The following DNAH7 variants were observed in gnomAD, a reference collection of about 807,000 sequenced individuals.
DNAH7 encodes dynein axonemal heavy chain 7.
DNAH7 carries 397 observed loss-of-function variants against 444.6 expected under a neutral mutation model. That is an observed-to-expected ratio of 0.89 (90% CI 0.82 to 0.97). The LOEUF (loss-of-function observed/expected upper bound fraction) is 0.97, where lower values mean the gene tolerates loss of function less well. DNAH7 is among the 50% of genes least tolerant of loss of function. The pLI is 0.00. For missense variants in DNAH7, 4,902 were observed against 4,800.8 expected (o/e 1.02, Z -0.62); for synonymous variants, 1,636 against 1,624.4 (o/e 1.01, Z -0.17).
intron 27 of DNAH7, 36 bp downstream of exon 27, chr2:195,906,623 G>C (rs768742332): frequency 1.3e-6 from 2 of 1,587,098 alleles, no homozygotes; most frequent in Admixed American, 3.6e-5. Context: ...GTAAATTATA[G>C]AGAAGAAATA....
At chr2:195,785,439 T>C (rs1398249476) in intron 58 of DNAH7, among the ~76,000 whole-genome samples, 1 of 152,146 alleles carries the variant, frequency 6.6e-6, no homozygotes, top group Non-Finnish European at 1.5e-5. Context: ...TCGAAAGCAG[T>C]AGTGAGAAAG....
chr2:195,955,576 GGTAA>G (rs1295238383), intron 19 of DNAH7, among the ~76,000 whole-genome samples: 1 of 147,006 alleles, frequency 6.8e-6, no homozygotes, highest in African/African-American at 2.6e-5. Flanking sequence ...TAGAAATTAG[GGTAA>G]GTAATGTTTT....
In DNAH7 at chr2:195,808,839, C is replaced by A; in HGVS notation, c.9926G>T (p.Gly3309Val). 6.2e-7 allele frequency: 1 copy of A among 1,613,686 alleles called. No individual in the cohort carries two copies. The highest frequency in any genetic ancestry group is 1.3e-5 in the African/African-American group (1 of 75,018). The change falls in exon 53 of 65, where the codon GGC becomes GTC. Residue 3309 changes from glycine (G) to valine (V), a missense_variant. Coordinates refer to ENST00000312428, the MANE Select transcript of DNAH7 (RefSeq NM_018897.3). ...KAEWRFLLTGGIGLDNPYANL... is the reference protein window; with the variant it reads ...KAEWRFLLTGVIGLDNPYANL... ...GGCATAAGGATTATCCAGTCCAATG[C>A]CACCAGTTAGCAGAAATCTCCACTC... is the stretch of plus-strand genomic sequence containing the variant.
chr2:195,808,582 G>GTTGTTTAAAGC (rs1696813707), intron 53 of DNAH7, 100 bp downstream of exon 53: 1 of 1,401,840 alleles, frequency 7.1e-7, no homozygotes, highest in Non-Finnish European at 9.7e-7. Flanking sequence ...CATGTGACCA[G>GTTGTTTAAAGC]TTGTTTAAAG....
At chr2:195,977,585 G>C (rs953744682) in intron 15 of DNAH7, among the ~76,000 whole-genome samples, 8 of 151,780 alleles carry the variant, frequency 5.3e-5, no homozygotes, top group Admixed American at 2.6e-4. Flanking sequence ...TTATTCAAAA[G>C]GATAATAACA....
Position 195,864,274 on chromosome 2 carries a change from A to G in DNAH7, c.7381T>C (p.Phe2461Leu). Residue 2461 changes from phenylalanine (F) to leucine (L), a missense_variant, in exon 41 of 65, where the codon TTT becomes CTT. Coordinates refer to ENST00000312428, the MANE Select transcript of DNAH7 (RefSeq NM_018897.3). Reference protein sequence around the residue: ...DGSPIALFNMFIDHCRSQLHV... With the variant: ...DGSPIALFNMLIDHCRSQLHV... ...AGTTGGCTGCGGCAATGATCAATAA[A>G]CATGTTGAAAAGGGCTATGGGGCTG... 6.2e-7 allele frequency: 1 copy of G among 1,614,120 alleles called. No homozygotes were observed. The highest frequency in any genetic ancestry group is 8.5e-7 in the Non-Finnish European group (1 of 1,180,008).
At chr2:195,964,279 A>G (rs1439183635) in intron 17 of DNAH7, among the ~76,000 whole-genome samples, 1 of 152,180 alleles carries the variant, frequency 6.6e-6, no homozygotes, top group African/African-American at 2.4e-5. Flanking sequence ...ATCCATGAAC[A>G]TGGAATATAC....
intron 46 of DNAH7, among the ~76,000 whole-genome samples, chr2:195,849,149 T>G (rs149770205): frequency 1.6e-4 from 24 of 152,352 alleles, no homozygotes; most frequent in African/African-American, 5.5e-4. Flanking sequence ...ACTGTCACTA[T>G]TTATTGCGAT....
intron 15 of DNAH7, among the ~76,000 whole-genome samples, chr2:195,974,750 T>C (rs1288198138): frequency 4.3e-5 from 5 of 115,850 alleles, no homozygotes; most frequent in African/African-American, 1.4e-4. Flanking sequence ...CATGTATGTA[T>C]ATTTTACACA....
At position 195,976,510 on chromosome 2, in the gene DNAH7, G is replaced by A. The variant is rs544472613; in HGVS notation, c.1834-4044C>T. 1.8e-4 allele frequency among the ~76,000 whole-genome samples: 27 copies of A among 152,268 alleles called. No individual in the cohort carries two copies. The East Asian group carries it at 5.0e-3, about 28-fold the overall frequency. On this transcript the variant is annotated intron_variant, in intron 15 of 64. Transcript: ENST00000312428. ...AGCTGGGGGAACTCACTGACCTGAA[G>A]GGAGGAACACATGCCTGGATGGCTT... is the stretch of plus-strand genomic sequence containing the variant.
intron 17 of DNAH7, among the ~76,000 whole-genome samples, chr2:195,962,144 TA>T (rs781299771): frequency 3.3e-5 from 5 of 152,168 alleles, no homozygotes; most frequent in African/African-American, 4.8e-5. Flanking sequence ...GTTCGTTAGC[TA>T]AATACATGGG....
At position 196,002,468 on chromosome 2, in the gene DNAH7, C is replaced by T. The variant is rs139994693; in HGVS notation, c.990-610G>A. Among the ~76,000 whole-genome samples the T allele has an allele frequency of 2.2e-3, 338 of 152,226 alleles. 1 individual carries two copies. Among genetic ancestry groups the T allele is most frequent in the African/African-American group, 7.7e-3 (318 of 41,560 alleles). The stretch of plus-strand genomic sequence containing the variant: ...TACAGTGTAATTTCATATATAGGTA[C>T]ATAATGATGATAATAAGCAAAGTTT... On this transcript the variant is annotated intron_variant, in intron 10 of 64. Coordinates refer to ENST00000312428, the MANE Select transcript of DNAH7 (RefSeq NM_018897.3).
chr2:196,040,139 A>C (rs917428787), intron 5 of DNAH7, among the ~76,000 whole-genome samples: 1 of 152,222 alleles, frequency 6.6e-6, no homozygotes, highest in African/African-American at 2.4e-5. Flanking sequence ...GAATTCTATG[A>C]AAATTTTAAA....
At chr2:196,008,367 C>T (rs1694513220) in intron 10 of DNAH7, among the ~76,000 whole-genome samples, 1 of 152,108 alleles carries the variant, frequency 6.6e-6, no homozygotes, top group South Asian at 2.1e-4. Context: ...CTTTGGAAAA[C>T]AGTGCGAGTG....
chr2:196,024,966 AGAC>A (rs1434431146), intron 7 of DNAH7, among the ~76,000 whole-genome samples: 2 of 152,204 alleles, frequency 1.3e-5, no homozygotes, highest in Admixed American at 6.5e-5. Context: ...TAAAAATAAC[AGAC>A]AACAATAAAA....
chr2:195,776,186 G>A (rs1695051522), intron 59 of DNAH7, among the ~76,000 whole-genome samples: 4 of 152,300 alleles, frequency 2.6e-5, no homozygotes, highest in Middle Eastern at 3.4e-3. Context: ...GCTCACGCCT[G>A]TAATCCCAGC....
chr2:195,978,023 G>A (rs1692316824), intron 15 of DNAH7, among the ~76,000 whole-genome samples: 2 of 152,052 alleles, frequency 1.3e-5, no homozygotes, highest in South Asian at 4.1e-4. Flanking sequence ...GAAAGCAAAG[G>A]ACAATAATGA....
intron 5 of DNAH7, among the ~76,000 whole-genome samples, chr2:196,045,334 GAGGA>G (rs1559365629): frequency 1.3e-5 from 2 of 151,404 alleles, no homozygotes; most frequent in African/African-American, 4.9e-5. Flanking sequence ...ATAAAAGAGG[GAGGA>G]AGGGAGGGAG....
chr2:195,844,896 A>T (rs1209328235), intron 47 of DNAH7, 106 bp downstream of exon 47: 2 of 945,438 alleles, frequency 2.1e-6, no homozygotes, highest in Non-Finnish European at 3.1e-6. Context: ...TTAGTTAAGT[A>T]ATTTTTTAAT....
Sources: allele counts gnomAD v4.1 joint callset (sites outside exome capture counted in the v4.1 genomes callset), GRCh38; gene constraint gnomAD v4.1.1; transcripts MANE v1.5; gene names NCBI Gene and HGNC (gene_info 2026-07-23, HGNC 2026-07-21).